The following FANCE variants were observed in gnomAD, a reference collection of about 807,000 sequenced individuals.
FANCE encodes FA complementation group E.
FANCE carries 42 observed loss-of-function variants against 57.8 expected under a neutral mutation model. The ratio of observed to expected loss-of-function variants is 0.73; its 90% CI spans 0.57 to 0.94. The LOEUF is 0.94. Ranked by LOEUF, FANCE falls within the 40% of genes least tolerant of loss-of-function variation. The pLI, the probability that FANCE is intolerant of heterozygous loss-of-function variation, is 0.00. For synonymous variants in FANCE, 251 were observed against 286.4 expected, an observed-to-expected ratio of 0.88 and a Z score of 1.25; for missense variants, 608 against 661.8, an observed-to-expected ratio of 0.92 and a Z score of 0.89.
chr6:35,459,185 A>G (rs962012589), intron 5 of FANCE, 146 bp from the exon 6 acceptor site: 140 of 976,098 alleles, frequency 1.4e-4, no homozygotes, highest in Admixed American at 2.8e-4. Context: ...ATCTTTTCCA[A>G]TGGGTGGGTC....
chr6:35,455,863 A>T lies in FANCE; in HGVS notation c.365A>T (p.Gln122Leu), dbSNP rs1554121253. The change falls in exon 2 of 10, where the codon CAG becomes CTG. Residue 122 changes from glutamine to leucine, a missense_variant. Physicochemically the swap from Gln to Leu is moderately radical, Grantham distance 113 (BLOSUM62 -2). Transcript: ENST00000229769. ...CTCCTCTCTGTGCTGCAGATTGCCC[A>T]GCAGGACCTAGCCCCTGACCCAGAT... ...SGLLSVLQIAQQDLAPDPDAW... is the reference protein window; with the variant it reads ...SGLLSVLQIALQDLAPDPDAW... 1.9e-6 allele frequency: 3 copies of T among 1,614,068 alleles called. No individual in the cohort carries two copies. The African/African-American group carries it at 4.0e-5, about 22-fold the overall frequency.
intron 5 of FANCE, 28 bp from the exon 6 acceptor site, chr6:35,459,299 ATAAT>A (rs1430468901): frequency 2.5e-6 from 4 of 1,613,304 alleles, no homozygotes; most frequent in Admixed American, 1.7e-5. Context: ...GAAGAAGAAA[ATAAT>A]TAATTTTTTC....
rs1382407755 is a variant in FANCE at position 35,456,269 on chromosome 6, G to A, written c.771G>A (p.Met257Ile). The change falls in exon 2 of 10, where the codon ATG (methionine) becomes ATA (isoleucine). Residue 257 changes from methionine to isoleucine, a missense_variant. By Grantham distance (10) the Met-to-Ile change is conservative (BLOSUM62 1). Coordinates refer to ENST00000229769, the MANE Select transcript of FANCE (RefSeq NM_021922.3). This position sits in a 1 kb window ranked among gnomAD's most constrained non-coding sequence, Gnocchi z 4.3. ...CTCCTATTAAGGACCAGCCTGTCAT[G>A]GCAGTTAAGACTGGCGAGGACGGTT... ...SASPIKDQPV[M>I]AVKTGEDGSN... 1 of 1,614,190 alleles carries A rather than the reference G, an allele frequency of 6.2e-7. No individual in the cohort carries two copies. The highest frequency in any genetic ancestry group is 8.5e-7 in the Non-Finnish European group (1 of 1,180,032).
chr6:35,463,546 T>A (rs1388290981), intron 9 of FANCE, among the ~76,000 whole-genome samples: 1 of 151,896 alleles, frequency 6.6e-6, no homozygotes, highest in Non-Finnish European at 1.5e-5. Context: ...AGATAACAGA[T>A]ATTAGAAGTA....
Position 35,457,999 on chromosome 6 carries a change from C to T in FANCE, c.969+15C>T. On this transcript the variant is annotated intron_variant, in intron 4 of 9. Coordinates refer to ENST00000229769, the MANE Select transcript of FANCE (RefSeq NM_021922.3). ...GTCCCAGCCAGGTGAGTCCAGATGA[C>T]TGCCTGGCTCTGAGGTTACATTCTC... 6.2e-7 allele frequency: 1 copy of T among 1,606,420 alleles called. No homozygotes were observed. Among genetic ancestry groups the T allele is most frequent in the Non-Finnish European group, 8.5e-7 (1 of 1,172,998 alleles).
At position 35,456,419 on chromosome 6, in the gene FANCE, G is replaced by A. The variant is rs1396275261; in HGVS notation, c.855+66G>A. 6.2e-7 allele frequency: 1 copy of A among 1,603,962 alleles called. No individual in the cohort carries two copies. The highest frequency in any genetic ancestry group is 2.2e-5 in the East Asian group (1 of 44,814). Reference sequence around the variant, plus strand: ...CAGTGGTGGCTTTATCCATGGGGAAGGCTGCTTGGGACACTTTTTCCCAAT... The same window carrying A: ...CAGTGGTGGCTTTATCCATGGGGAAAGCTGCTTGGGACACTTTTTCCCAAT... On this transcript the variant is annotated intron_variant, in intron 2 of 9. Coordinates refer to ENST00000229769, the MANE Select transcript of FANCE (RefSeq NM_021922.3). This position sits in a 1 kb window ranked among gnomAD's most constrained non-coding sequence, Gnocchi z 4.3.
At chr6:35,466,010 A>C (rs537209506) in intron 9 of FANCE, among the ~76,000 whole-genome samples, 1 of 152,338 alleles carries the variant, frequency 6.6e-6, no homozygotes, top group South Asian at 2.1e-4. Context: ...CATAGTAAAC[A>C]CACAATGATT....
intron 9 of FANCE, 63 bp from the exon 10 acceptor site, chr6:35,466,181 G>A: frequency 9.8e-7 from 1 of 1,024,182 alleles, no homozygotes; most frequent in Non-Finnish European, 1.6e-6. Context: ...GAGCCCCTGG[G>A]GTAGTCGGGA....
At chr6:35,457,527 C>T (rs1014615891) in intron 2 of FANCE, 29 bp from the exon 3 acceptor site, 6 of 1,612,966 alleles carry the variant, frequency 3.7e-6, no homozygotes, top group Admixed American at 1.7e-5. Flanking sequence ...GGGGGAGGGA[C>T]GTAGCAGTGA....
rs1181501294 is a variant in FANCE, at chr6:35,458,613, A to T, written c.1113+173A>T. 4.7e-5 allele frequency among the ~76,000 whole-genome samples: 7 copies of T among 149,776 alleles called. No individual in the cohort carries two copies. In the East Asian group the frequency reaches 1.4e-3, roughly 29 times the overall value. On this transcript the variant is annotated intron_variant, in intron 5 of 9. Transcript: ENST00000229769. ...CTTAACTGGCAGGGCATGGACCCCC[A>T]GGCCATCTACCCACATGGCATCTAA... is the stretch of plus-strand genomic sequence containing the variant.
In FANCE at chr6:35,456,263, T is replaced by A. The variant is rs1767338791; in HGVS notation, c.765T>A (p.Pro255=). 2 of 1,614,080 alleles carry A rather than the reference T, an allele frequency of 1.2e-6. No homozygotes were observed. The highest frequency in any genetic ancestry group is 2.2e-5 in the South Asian group (2 of 91,094). ...GGSASPIKDQ[P]VMAVKTGEDG... is the part of the protein sequence containing the mutation. ...GTGCATCTCCTATTAAGGACCAGCC[T>A]GTCATGGCAGTTAAGACTGGCGAGG... Residue 255 remains proline (P), a synonymous_variant, in exon 2 of 10, where the codon CCT becomes CCA. Coordinates refer to ENST00000229769, the MANE Select transcript of FANCE (RefSeq NM_021922.3). The surrounding 1 kb of genome is among the most constrained non-coding windows in gnomAD (Gnocchi z 4.3).
chr6:35,454,095 G>C (rs558696631), intron 1 of FANCE, among the ~76,000 whole-genome samples: 1 of 148,148 alleles, frequency 6.8e-6, no homozygotes, highest in South Asian at 2.1e-4. Flanking sequence ...ACGGAATCTT[G>C]CTCTGTTGCC....
In FANCE at chr6:35,452,435, C is replaced by A; in HGVS notation, c.-111C>A. ...GGAGAGCTTGTAACAGGCGCTGGAG[C>A]TGGCCCGCCACCGCCGCGTCAGGGA... On this transcript the variant is annotated 5_prime_UTR_variant, in exon 1 of 10. The change creates a new upstream start codon in the 5' untranslated region. Transcript: ENST00000229769. 9.1e-7 allele frequency: 1 copy of A among 1,100,310 alleles called. No homozygotes were observed. Among genetic ancestry groups the A allele is most frequent in the Non-Finnish European group, 1.1e-6 (1 of 877,254 alleles). The allele number at this position is 1,100,310 out of a possible 1,614,324, so 68.2% of individuals were successfully genotyped here.
Position 35,452,371 on chromosome 6 carries a change from G to A in FANCE, c.-175G>A, listed in dbSNP as rs987387279. On this transcript the variant is annotated 5_prime_UTR_variant, in exon 1 of 10. Transcript: ENST00000229769. ...TTCCGACAGCGCGGGAACGGCTGCGGCTTCGGGCGGCCGGGTTTCTCCGGT... is the reference window on the plus strand; with the variant it reads ...TTCCGACAGCGCGGGAACGGCTGCGACTTCGGGCGGCCGGGTTTCTCCGGT... 2.0e-5 allele frequency: 13 copies of A among 641,704 alleles called. No individual in the cohort carries two copies. Among genetic ancestry groups the A allele is most frequent in the Middle Eastern group, 5.1e-4 (1 of 1,972 alleles). The allele number at this position is 641,704 out of a possible 1,614,324, so 39.8% of individuals were successfully genotyped here. A position where few individuals can be genotyped will look rare whatever the true frequency, so the allele number is the denominator to read the frequency against.
At chr6:35,465,198 G>T (rs1196118313) in intron 9 of FANCE, among the ~76,000 whole-genome samples, 1 of 151,680 alleles carries the variant, frequency 6.6e-6, no homozygotes, top group Admixed American at 6.6e-5. Flanking sequence ...TTGAGAGACA[G>T]AGTCTTGGTC....
At chr6:35,464,307 G>T (rs569687303) in intron 9 of FANCE, among the ~76,000 whole-genome samples, 1 of 144,362 alleles carries the variant, frequency 6.9e-6, no homozygotes, top group African/African-American at 2.6e-5. Flanking sequence ...GGCGCATCTC[G>T]GCTCACTGCA....
At position 35,466,806 on chromosome 6, in the gene FANCE, G is replaced by T; in HGVS notation, c.*461G>T. ...GAGCTCAAGTGATCTTCCTGCCTTG[G>T]CACCCAAAGTGTTGAGATTTACAGG... On this transcript the variant is annotated 3_prime_UTR_variant, in exon 10 of 10. Transcript: ENST00000229769. The T allele has an allele frequency of 3.5e-6, 1 of 284,314 alleles. No individual in the cohort carries two copies. Among genetic ancestry groups the T allele is most frequent in the Non-Finnish European group, 6.7e-6 (1 of 148,718 alleles). The allele number at this position is 284,314 out of a possible 1,614,324, so 17.6% of individuals were successfully genotyped here.
At position 35,459,359 on chromosome 6, in the gene FANCE, G is replaced by T. The variant is rs374232967; in HGVS notation, c.1142G>T (p.Arg381Leu). The change falls in exon 6 of 10, where the codon CGC (arginine) becomes CTC (leucine). Residue 381 changes from arginine to leucine, a missense_variant. Coordinates refer to ENST00000229769, the MANE Select transcript of FANCE (RefSeq NM_021922.3). ...CTCTCCTTGACTTCCTCAGCCTCCC[G>T]CCTGCTTACAACTGCCCTGACCTCC... is the stretch of plus-strand genomic sequence containing the variant. Reference protein sequence around the residue: ...RILSLTSSASRLLTTALTSFC... With the variant: ...RILSLTSSASLLLTTALTSFC... 8.1e-6 allele frequency: 13 copies of T among 1,613,814 alleles called. No homozygotes were observed. The highest frequency in any genetic ancestry group is 1.0e-5 in the Non-Finnish European group (12 of 1,179,970).
Position 35,459,666 on chromosome 6 carries a change from G to T in FANCE, c.1238-16G>T. 3 of 1,613,694 alleles carry T rather than the reference G, an allele frequency of 1.9e-6. No homozygotes were observed. The highest frequency in any genetic ancestry group is 1.7e-6 in the Non-Finnish European group (2 of 1,179,632). On this transcript the variant is annotated splice_polypyrimidine_tract_variant and intron_variant, in intron 6 of 9. Transcript: ENST00000229769. Reference sequence around the variant, plus strand: ...CATTTCCCCCCAGACTTCCCCTTCTGCTGTCCTCTACCCAGGTCCTGCTCA... The same window carrying T: ...CATTTCCCCCCAGACTTCCCCTTCTTCTGTCCTCTACCCAGGTCCTGCTCA...
Sources: gnomAD v4.1 joint callset for allele counts (sites outside exome capture counted in the v4.1 genomes callset) on GRCh38, gnomAD v4.1.1 for gene constraint, Gnocchi (gnomAD v3.1) non-coding constraint, MANE v1.5 for transcripts, NCBI Gene and HGNC (gene_info 2026-07-23, HGNC 2026-07-21) for gene names.